The following CALN1 variants were observed in gnomAD, a reference collection of about 807,000 sequenced individuals.
CALN1 encodes calneuron 1.
CALN1 carries 17 observed loss-of-function variants against 30.6 expected under a neutral mutation model. The observed-to-expected ratio is 0.56, with a 90% CI of 0.38 to 0.83. CALN1 has a LOEUF of 0.83. Among genes scored for constraint, CALN1 ranks in the 40% least tolerant of loss-of-function variants. The pLI is 0.00. For missense variants in CALN1, 291 were observed against 354.9 expected, an observed-to-expected ratio of 0.82 and a Z score of 1.45; for synonymous variants, 156 against 131.4, an observed-to-expected ratio of 1.19 and a Z score of -1.28.
At chr7:72,035,343 T>C (rs907741764) in intron 4 of CALN1, among the ~76,000 whole-genome samples, 15 of 152,306 alleles carry the variant, frequency 9.8e-5, no homozygotes, top group Admixed American at 3.3e-4. Flanking sequence ...CTACTCCAAG[T>C]ATCTCATGCA....
intron 2 of CALN1, among the ~76,000 whole-genome samples, chr7:72,349,277 C>T (rs1057442518): frequency 5.8e-5 from 8 of 138,382 alleles, no homozygotes; most frequent in African/African-American, 1.7e-4. Context: ...TGTAAACACG[C>T]GTGCTTGTGT....
intron 1 of CALN1, among the ~76,000 whole-genome samples, chr7:72,411,342 G>A (rs1473261758): frequency 6.6e-6 from 1 of 151,822 alleles, no homozygotes; most frequent in Non-Finnish European, 1.5e-5. Flanking sequence ...AGGACAAAAA[G>A]AACCACAAAG....
intron 2 of CALN1, among the ~76,000 whole-genome samples, chr7:72,346,597 C>A (rs892150586): frequency 3.3e-5 from 5 of 152,120 alleles, no homozygotes; most frequent in Admixed American, 1.3e-4. Flanking sequence ...CTCACTGCAA[C>A]CTCCACCTCC....
At chr7:72,482,852 C>A in the CALN1 span, among the ~76,000 whole-genome samples, 2 of 151,998 alleles carry the variant, frequency 1.3e-5, no homozygotes, top group African/African-American at 4.8e-5. Context: ...CATTTTCTTT[C>A]CTCCTGAAAA....
At chr7:71,836,987 T>C (rs1789650166) in intron 5 of CALN1, among the ~76,000 whole-genome samples, 1 of 150,700 alleles carries the variant, frequency 6.6e-6, no homozygotes, top group African/African-American at 2.4e-5. Flanking sequence ...ATCCCAGCAC[T>C]TTGGGAGGCC....
chr7:72,263,655 A>G (rs980690208), intron 3 of CALN1, among the ~76,000 whole-genome samples: 29 of 152,012 alleles, frequency 1.9e-4, no homozygotes, highest in Non-Finnish European at 3.8e-4. Context: ...GCCTCAAGCA[A>G]TCCTCCCTCC....
Position 72,118,212 on chromosome 7 carries a change from T to C in CALN1, c.245-11918A>G, listed in dbSNP as rs550677504. Among the ~76,000 whole-genome samples the C allele has an allele frequency of 2.6e-5, 4 of 152,330 alleles. No homozygotes were observed. The South Asian group carries it at 8.3e-4, about 32-fold the overall frequency. Reference sequence around the variant, plus strand: ...TAGCTATCATTCTTAAAGAAGGGCATTTTTGTAACTTATTAAGTGGTGAAA... The same window carrying C: ...TAGCTATCATTCTTAAAGAAGGGCACTTTTGTAACTTATTAAGTGGTGAAA... On this transcript the variant is annotated intron_variant, in intron 3 of 6. Transcript: ENST00000395275.
chr7:72,455,321 A>ATGTGTG, the CALN1 span, among the ~76,000 whole-genome samples: 742 of 138,828 alleles, frequency 5.3e-3, 1 homozygote, highest in East Asian at 0.018. Flanking sequence ...ATATATATAT[A>ATGTGTG]TGTGTGTGTG....
At chr7:72,094,377 C>T (rs910058310) in intron 4 of CALN1, among the ~76,000 whole-genome samples, 1 of 152,160 alleles carries the variant, frequency 6.6e-6, no homozygotes, top group Admixed American at 6.5e-5. Context: ...GCCGCCACCT[C>T]CCGAGTAGCT....
intron 2 of CALN1, among the ~76,000 whole-genome samples, chr7:72,338,579 C>T (rs950268106): frequency 5.4e-5 from 8 of 148,718 alleles, no homozygotes; most frequent in African/African-American, 1.8e-4. Context: ...GTGGGTGCCA[C>T]GCCTTTAGCA....
At chr7:72,056,441 A>T (rs1172752330) in intron 4 of CALN1, among the ~76,000 whole-genome samples, 1 of 152,176 alleles carries the variant, frequency 6.6e-6, no homozygotes, top group Non-Finnish European at 1.5e-5. Context: ...GGAAAAAAGG[A>T]GGCTTAGTTA....
At chr7:72,035,723 T>C (rs940652081) in intron 4 of CALN1, among the ~76,000 whole-genome samples, 2 of 152,230 alleles carry the variant, frequency 1.3e-5, no homozygotes, top group African/African-American at 4.8e-5. Context: ...CATACAAAAA[T>C]ACTACTCCTT....
chr7:72,029,074 G>C (rs571767900), intron 4 of CALN1, among the ~76,000 whole-genome samples: 25 of 152,234 alleles, frequency 1.6e-4, no homozygotes, highest in Admixed American at 8.5e-4. Context: ...ATAAAACACT[G>C]ATAATTCCCT....
At chr7:72,464,547 G>T in the CALN1 span, among the ~76,000 whole-genome samples, 14 of 152,052 alleles carry the variant, frequency 9.2e-5, no homozygotes, top group African/African-American at 3.4e-4. Flanking sequence ...TCCCTGTTCC[G>T]TGTGGTCAAG....
intron 3 of CALN1, among the ~76,000 whole-genome samples, chr7:72,151,474 T>C (rs1787243207): frequency 6.6e-6 from 1 of 152,158 alleles, no homozygotes; most frequent in African/African-American, 2.4e-5. Flanking sequence ...CATTCTGATG[T>C]ACTTGAGGGT....
At chr7:72,122,370 T>G (rs1299403260) in intron 3 of CALN1, among the ~76,000 whole-genome samples, 1 of 152,094 alleles carries the variant, frequency 6.6e-6, no homozygotes, top group Non-Finnish European at 1.5e-5. Flanking sequence ...AAAAAGTGAA[T>G]GGAGAGAAGG....
At chr7:71,813,930 CAAA>C (rs540550294) in intron 5 of CALN1, among the ~76,000 whole-genome samples, 7 of 68,520 alleles carry the variant, frequency 1.0e-4, no homozygotes, top group Non-Finnish European at 1.6e-4. Flanking sequence ...GACTCTGTTG[CAAA>C]AAAAAAAAAA....
intron 5 of CALN1, among the ~76,000 whole-genome samples, chr7:71,912,457 CT>C (rs1368331533): frequency 6.6e-6 from 1 of 152,174 alleles, no homozygotes; most frequent in African/African-American, 2.4e-5. Context: ...CTTGCAGCAA[CT>C]TAAAAACACA....
chr7:71,815,101 G>A (rs932868928), intron 5 of CALN1, among the ~76,000 whole-genome samples: 8 of 152,158 alleles, frequency 5.3e-5, no homozygotes, highest in South Asian at 2.1e-4. Context: ...CCAAAGTGCT[G>A]GGATTACAGG....
Sources: allele counts gnomAD v4.1 joint callset (sites outside exome capture counted in the v4.1 genomes callset), GRCh38; gene constraint gnomAD v4.1.1; transcripts MANE v1.5; gene names NCBI Gene and HGNC (gene_info 2026-07-23, HGNC 2026-07-21).